ZDHHC22: variants seen among roughly 807,000 people sequenced by gnomAD.
ZDHHC22 encodes the protein palmitoyltransferase ZDHHC22.
A neutral mutation model predicts 17.0 loss-of-function variants in ZDHHC22; 13 were observed. The observed-to-expected ratio is 0.76, with a 90% CI of 0.50 to 1.21. The LOEUF (loss-of-function observed/expected upper bound fraction) is 1.21. Ranked by LOEUF, ZDHHC22 falls within the 50% of genes most tolerant of loss-of-function variation. The pLI is 0.00. For missense variants in ZDHHC22, 319 were observed against 342.3 expected, an observed-to-expected ratio of 0.93 and a Z score of 0.54; for synonymous variants, 138 against 154.7, an observed-to-expected ratio of 0.89 and a Z score of 0.80.
chr14:77,136,435 T>G (rs1297109601), intron 2 of ZDHHC22, among the ~76,000 whole-genome samples: 1 of 152,206 alleles, frequency 6.6e-6, no homozygotes. Context: ...TACTGGACTT[T>G]CTGGTAGCAC....
At chr14:77,141,425 A>G (rs1887253497) in intron 1 of ZDHHC22, 178 bp downstream of exon 1, 1 of 152,446 alleles carries the variant, frequency 6.6e-6, no homozygotes. Flanking sequence ...CTGTCCGTTC[A>G]GCCCTGGCGC....
chr14:77,136,640 T>G (rs1049953217), intron 2 of ZDHHC22, among the ~76,000 whole-genome samples: 2 of 152,220 alleles, frequency 1.3e-5, no homozygotes, highest in African/African-American at 2.4e-5. Context: ...GGCCTGTGGT[T>G]GGCCGCCACC....
intron 2 of ZDHHC22, among the ~76,000 whole-genome samples, chr14:77,134,594 G>A (rs1396239): frequency 0.67 from 102,359 of 152,016 alleles, 34,645 homozygotes; most frequent in Admixed American, 0.75. Context: ...CATTCCACCA[G>A]AGCTGGTTCT....
At chr14:77,135,193 G>C (rs1050380810) in intron 2 of ZDHHC22, among the ~76,000 whole-genome samples, 1 of 150,490 alleles carries the variant, frequency 6.6e-6, no homozygotes, top group Admixed American at 6.6e-5. Flanking sequence ...CCTCTGGTGG[G>C]GGGGGGGCAC....
intron 2 of ZDHHC22, among the ~76,000 whole-genome samples, chr14:77,136,714 C>CTGG (rs1285336226): frequency 6.6e-6 from 1 of 152,214 alleles, no homozygotes; most frequent in African/African-American, 2.4e-5. Context: ...CATCCATGCT[C>CTGG]TGGTGACAGA....
chr14:77,134,109 A>G (rs1004517915), intron 2 of ZDHHC22, among the ~76,000 whole-genome samples, 161 bp from the exon 3 acceptor site: 2 of 152,062 alleles, frequency 1.3e-5, no homozygotes, highest in Non-Finnish European at 2.9e-5. Flanking sequence ...GAGGGAGAGG[A>G]AGGAAGAACC....
chr14:77,132,004 C>G lies in ZDHHC22; in HGVS notation c.*1679G>C, dbSNP rs1050901685. 2 of 152,274 alleles carry G rather than the reference C, an allele frequency of 1.3e-5. No individual in the cohort carries two copies. Among genetic ancestry groups the G allele is most frequent in the Non-Finnish European group, 2.9e-5 (2 of 68,064 alleles). The allele number at this position is 152,274 out of a possible 1,614,324, so 9.4% of individuals were successfully genotyped here. ...CTGCTCAAGAACCCAGGCTGTTGCG[C>G]AGCTATCAGCGGGTCACTGCAGTTG... On this transcript the variant is annotated 3_prime_UTR_variant, in exon 3 of 3. Coordinates refer to ENST00000319374, the MANE Select transcript of ZDHHC22 (RefSeq NM_174976.2).
At position 77,139,615 on chromosome 14, in the gene ZDHHC22, G is replaced by C. The variant is rs1381332672; in HGVS notation, c.124C>G (p.Arg42Gly). The C allele has an allele frequency of 1.3e-6, 2 of 1,581,752 alleles. No homozygotes were observed. The highest frequency in any genetic ancestry group is 1.2e-5 in the South Asian group (1 of 86,800). The change falls in exon 2 of 3, where the codon CGG (arginine) becomes GGG (glycine). Residue 42 changes from arginine to glycine, a missense_variant. Arg to Gly is a moderately radical substitution (Grantham distance 125). Coordinates refer to ENST00000319374, the MANE Select transcript of ZDHHC22 (RefSeq NM_174976.2). The stretch of plus-strand genomic sequence containing the variant: ...TGGAGCAGGGCGGGCGAGAAGAGCC[G>C]GGCGGCCGCGGGGTCCTCGCGCATG... ...PSMREDPAAA[R>G]LFSPALLHGA...
intron 2 of ZDHHC22, among the ~76,000 whole-genome samples, chr14:77,138,204 G>A (rs1319269977): frequency 6.6e-6 from 1 of 152,146 alleles, no homozygotes; most frequent in Admixed American, 6.5e-5. Flanking sequence ...ACTGCCACCA[G>A]GAGCTGAGTC....
upstream of ZDHHC22, chr14:77,141,967 G>C (rs1007556909): frequency 6.6e-6 from 1 of 152,606 alleles, no homozygotes; most frequent in African/African-American, 2.4e-5. Context: ...GCCCGTTCCA[G>C]CTGGGAGATT....
At chr14:77,136,278 G>A (rs1887135412) in intron 2 of ZDHHC22, among the ~76,000 whole-genome samples, 1 of 152,204 alleles carries the variant, frequency 6.6e-6, no homozygotes, top group African/African-American at 2.4e-5. Context: ...TGGTGTTGGT[G>A]CAACTTAACC....
rs1276581198 is a variant in ZDHHC22 at position 77,140,025 on chromosome 14, A to G, written c.-14-273T>C. Among the ~76,000 whole-genome samples, 1 of 152,158 alleles carries G rather than the reference A, an allele frequency of 6.6e-6. No homozygotes were observed. Among genetic ancestry groups the G allele is most frequent in the Non-Finnish European group, 1.5e-5 (1 of 68,016 alleles). On this transcript the variant is annotated intron_variant, in intron 1 of 2. Coordinates refer to ENST00000319374, the MANE Select transcript of ZDHHC22 (RefSeq NM_174976.2). The surrounding 1 kb of genome is among the most constrained non-coding windows in gnomAD (Gnocchi z 5.9). The stretch of plus-strand genomic sequence containing the variant: ...GCGCCTTGGCGCGGCAGAGTCTGGC[A>G]CAGGAGGGAGGGACTCGTTTGCAGT...
intron 2 of ZDHHC22, among the ~76,000 whole-genome samples, chr14:77,138,452 G>T (rs1289820888): frequency 6.6e-6 from 1 of 152,174 alleles, no homozygotes; most frequent in African/African-American, 2.4e-5. Context: ...CAGCTACTCG[G>T]GAGGTTGAGG....
rs1464800087 is a variant in ZDHHC22, at chr14:77,132,501, C to T, written c.*1182G>A. 1 of 152,216 alleles carries T rather than the reference C, an allele frequency of 6.6e-6. No individual in the cohort carries two copies. The highest frequency in any genetic ancestry group is 1.5e-5 in the Non-Finnish European group (1 of 68,064). The allele number at this position is 152,216 out of a possible 1,614,324, so 9.4% of individuals were successfully genotyped here. A position where few individuals can be genotyped will look rare whatever the true frequency, so the allele number is the denominator to read the frequency against. On this transcript the variant is annotated 3_prime_UTR_variant, in exon 3 of 3. Transcript: ENST00000319374. ...ATCTTGCCTCTGGGTCCAGCAATCA[C>T]AACCAGGACATCAGAACCTTGGGGT...
chr14:77,139,491 G>T lies in ZDHHC22; in HGVS notation c.248C>A (p.Ser83Ter). ...PDDLGACQGA[S>*]ARKTPCPSPS... ...TGAGGGGCATGGAGTCTTCCTGGCCGAGGCCCCCTGGCAGGCCCCCAGGTC... is the reference window on the plus strand; with the variant it reads ...TGAGGGGCATGGAGTCTTCCTGGCCTAGGCCCCCTGGCAGGCCCCCAGGTC... The change falls in exon 2 of 3, where the codon TCG (serine) becomes TAG (stop). Residue 83 changes from serine to a stop codon, truncating the protein, a stop_gained. Coordinates refer to ENST00000319374, the MANE Select transcript of ZDHHC22 (RefSeq NM_174976.2). LOFTEE classifies it high-confidence loss of function. 6.2e-7 allele frequency: 1 copy of T among 1,612,668 alleles called. No individual in the cohort carries two copies. The highest frequency in any genetic ancestry group is 8.5e-7 in the Non-Finnish European group (1 of 1,179,454).
Position 77,139,413 on chromosome 14 carries a change from T to C in ZDHHC22, c.326A>G (p.His109Arg), listed in dbSNP as rs1887200934. 6.2e-7 allele frequency: 1 copy of C among 1,610,878 alleles called. No homozygotes were observed. The highest frequency in any genetic ancestry group is 8.5e-7 in the Non-Finnish European group (1 of 1,178,784). The change falls in exon 2 of 3, where the codon CAT (histidine) becomes CGT (arginine). Residue 109 changes from histidine to arginine, a missense_variant. His to Arg is a conservative substitution (Grantham distance 29). Coordinates refer to ENST00000319374, the MANE Select transcript of ZDHHC22 (RefSeq NM_174976.2). ...GCAGTTGCCGGTGAAGAAACAGTGA[T>C]GGTCGTGCCTCAGGGTGACTCTGGC... is the stretch of plus-strand genomic sequence containing the variant. ...VCARVTLRHDHHCFFTGNCIG... is the reference protein window; with the variant it reads ...VCARVTLRHDRHCFFTGNCIG...
intron 2 of ZDHHC22, among the ~76,000 whole-genome samples, chr14:77,135,273 T>C (rs1398453561): frequency 6.6e-6 from 1 of 151,710 alleles, no homozygotes. Flanking sequence ...GCCCTTTCCC[T>C]AGCCTTCTCT....
In ZDHHC22 at chr14:77,139,468, A is replaced by AGG. The variant is rs770741626; in HGVS notation, c.269_270dup (p.Ser91ProfsTer16). 2 of 1,613,060 alleles carry AGG rather than the reference A, an allele frequency of 1.2e-6. No homozygotes were observed. Among genetic ancestry groups the AGG allele is most frequent in the East Asian group, 4.5e-5 (2 of 44,860 alleles). On this transcript the variant is annotated frameshift_variant, in exon 2 of 3. Coordinates refer to ENST00000319374, the MANE Select transcript of ZDHHC22 (RefSeq NM_174976.2). LOFTEE classifies it high-confidence loss of function. ...ACTCGGCAGAAGTGGGTGCTAGGTG[A>AGG]GGGGCATGGAGTCTTCCTGGCCGAG...
intron 2 of ZDHHC22, among the ~76,000 whole-genome samples, chr14:77,135,189 G>GT (rs1887110610): frequency 9.1e-5 from 3 of 33,082 alleles, no homozygotes; most frequent in South Asian, 2.0e-3. Flanking sequence ...ACCTCCTCTG[G>GT]TGGGGGGGGG....
Sources: gnomAD v4.1 joint callset for allele counts (sites outside exome capture counted in the v4.1 genomes callset) on GRCh38, gnomAD v4.1.1 for gene constraint, Gnocchi (gnomAD v3.1) non-coding constraint, MANE v1.5 for transcripts, NCBI Gene and HGNC (gene_info 2026-07-23, HGNC 2026-07-21) for gene names.